SPAG16: variants seen among roughly 807,000 people sequenced by gnomAD.
The protein encoded by SPAG16 is sperm associated antigen 16.
SPAG16 carries 86 observed loss-of-function variants against 80.4 expected under a neutral mutation model. The ratio of observed to expected loss-of-function variants is 1.07; its 90% CI spans 0.90 to 1.28. SPAG16 has a LOEUF of 1.28. Among genes scored for constraint, SPAG16 ranks in the 50% most tolerant of loss-of-function variants. The pLI, the probability that SPAG16 is intolerant of heterozygous loss-of-function variation, is 0.00. For synonymous variants in SPAG16, 294 were observed against 265.9 expected (o/e 1.11, Z -1.03); for missense variants, 870 against 765.3 (o/e 1.14, Z -1.61).
At chr2:214,264,647 T>C (rs1379483787) in intron 15 of SPAG16, among the ~76,000 whole-genome samples, 1 of 152,130 alleles carries the variant, frequency 6.6e-6, no homozygotes, top group African/African-American at 2.4e-5. Flanking sequence ...ATAAAGTCCA[T>C]TAAGGTTTAC....
chr2:213,806,961 A>G (rs1182245398), intron 10 of SPAG16, among the ~76,000 whole-genome samples: 1 of 152,198 alleles, frequency 6.6e-6, no homozygotes, highest in Non-Finnish European at 1.5e-5. Flanking sequence ...CGGATACATT[A>G]GCTGTTTTCC....
chr2:214,280,533 CAG>C (rs1380387354), intron 15 of SPAG16: 2 of 169,736 alleles, frequency 1.2e-5, no homozygotes, highest in Non-Finnish European at 2.5e-5. Flanking sequence ...GTCAAAGAAA[CAG>C]AGTAGAGATT....
intron 12 of SPAG16, among the ~76,000 whole-genome samples, chr2:213,997,586 A>G (rs1440598547): frequency 6.6e-6 from 1 of 152,198 alleles, no homozygotes; most frequent in Non-Finnish European, 1.5e-5. Flanking sequence ...TTTCTTTTTA[A>G]CAGTGAATTA....
chr2:213,867,388 C>G (rs1030379776), intron 11 of SPAG16, among the ~76,000 whole-genome samples: 1 of 152,148 alleles, frequency 6.6e-6, no homozygotes, highest in Non-Finnish European at 1.5e-5. Flanking sequence ...CATAAACATA[C>G]CCTTGTGCAA....
chr2:213,424,500 A>G (rs946826734), intron 9 of SPAG16, among the ~76,000 whole-genome samples: 1 of 152,208 alleles, frequency 6.6e-6, no homozygotes, highest in East Asian at 1.9e-4. Flanking sequence ...AGTAAAAATG[A>G]GATCTTTTTA....
chr2:213,903,586 G>T (rs759099399), intron 11 of SPAG16, among the ~76,000 whole-genome samples: 4 of 152,150 alleles, frequency 2.6e-5, no homozygotes, highest in African/African-American at 4.8e-5. Context: ...CTAGGCCTCT[G>T]GGTCTGTGAT....
intron 13 of SPAG16, among the ~76,000 whole-genome samples, chr2:214,086,610 TTA>T (rs1472801984): frequency 2.6e-5 from 4 of 152,138 alleles, no homozygotes; most frequent in Non-Finnish European, 5.9e-5. Context: ...TCCACCGTGA[TTA>T]TGTTTCCTGA....
At position 213,929,810 on chromosome 2, in the gene SPAG16, AG is replaced by A. The variant is rs1214599727; in HGVS notation, c.1215-149del. ...GTTAGCAATTGTGTAGACCCAAATA[AG>A]ATAATAATATTTAGTCATTTAGATA... On this transcript the variant is annotated intron_variant, in intron 11 of 15. Coordinates refer to ENST00000331683, the MANE Select transcript of SPAG16 (RefSeq NM_024532.5). 2.4e-5 allele frequency: 15 copies of A among 630,378 alleles called. No individual in the cohort carries two copies. The African/African-American group carries it at 2.8e-4, about 12-fold the overall frequency. The allele number at this position is 630,378 out of a possible 1,614,324, so 39.0% of individuals were successfully genotyped here. A position where few individuals can be genotyped will look rare whatever the true frequency, so the allele number is the denominator to read the frequency against.
Position 213,648,338 on chromosome 2 carries a change from A to G in SPAG16, c.1070+158248A>G, listed in dbSNP as rs185032382. Among the ~76,000 whole-genome samples the G allele has an allele frequency of 2.3e-3, 349 of 152,314 alleles. 4 individuals are homozygous for G. Among genetic ancestry groups the G allele is most frequent in the African/African-American group, 8.1e-3 (338 of 41,572 alleles). ...AAAAAAAAATGTAGCACAGATGTAGAAAGCTTAAGTACATCTATAGTTTGT... is the reference window on the plus strand; with the variant it reads ...AAAAAAAAATGTAGCACAGATGTAGGAAGCTTAAGTACATCTATAGTTTGT... On this transcript the variant is annotated intron_variant, in intron 10 of 15. Transcript: ENST00000331683.
chr2:214,246,700 A>G (rs1409808498), intron 15 of SPAG16, among the ~76,000 whole-genome samples: 1 of 151,992 alleles, frequency 6.6e-6, no homozygotes, highest in East Asian at 1.9e-4. Context: ...TTAAGCTAAA[A>G]CCACCCAGCC....
chr2:214,057,178 C>CT (rs36181178), intron 13 of SPAG16, among the ~76,000 whole-genome samples: 1 of 144,540 alleles, frequency 6.9e-6, no homozygotes, highest in Non-Finnish European at 1.5e-5. Context: ...TTTCAGTTTA[C>CT]TTTTTTTTTT....
At chr2:214,066,479 C>T (rs1364438257) in intron 13 of SPAG16, among the ~76,000 whole-genome samples, 1 of 152,126 alleles carries the variant, frequency 6.6e-6, no homozygotes, top group Non-Finnish European at 1.5e-5. Flanking sequence ...TTTACTTATA[C>T]CTACATTTAT....
At chr2:213,806,565 C>G (rs973685589) in intron 10 of SPAG16, among the ~76,000 whole-genome samples, 9 of 152,044 alleles carry the variant, frequency 5.9e-5, no homozygotes, top group Admixed American at 5.9e-4. Flanking sequence ...GGAATTCCCA[C>G]TGATATGTTT....
chr2:213,500,415 G>A (rs1282374212), intron 10 of SPAG16, among the ~76,000 whole-genome samples: 1 of 152,144 alleles, frequency 6.6e-6, no homozygotes, highest in Non-Finnish European at 1.5e-5. Context: ...GAATATAATT[G>A]GGTCATATCG....
chr2:213,307,585 T>A (rs575300681), intron 3 of SPAG16, among the ~76,000 whole-genome samples: 2 of 149,414 alleles, frequency 1.3e-5, no homozygotes, highest in East Asian at 3.9e-4. Flanking sequence ...TGTGCTACAT[T>A]TTCTTAATCC....
At chr2:213,612,063 T>C (rs959893273) in intron 10 of SPAG16, among the ~76,000 whole-genome samples, 6 of 152,200 alleles carry the variant, frequency 3.9e-5, no homozygotes, top group Admixed American at 1.3e-4. Flanking sequence ...ATCTCAAAAC[T>C]GCTTGTGTGT....
intron 11 of SPAG16, among the ~76,000 whole-genome samples, chr2:213,926,652 A>G (rs977016738): frequency 6.6e-6 from 1 of 152,068 alleles, no homozygotes. Context: ...GATTCATGTT[A>G]TAACCTTACG....
intron 13 of SPAG16, among the ~76,000 whole-genome samples, chr2:214,105,628 G>A (rs1458423115): frequency 6.6e-6 from 1 of 151,996 alleles, no homozygotes; most frequent in Non-Finnish European, 1.5e-5. Flanking sequence ...AATGCATATT[G>A]GGTCACATTA....
intron 13 of SPAG16, among the ~76,000 whole-genome samples, chr2:214,055,162 T>G (rs1409100063): frequency 6.6e-5 from 10 of 152,182 alleles, no homozygotes; most frequent in Admixed American, 6.5e-4. Flanking sequence ...TTGTTTGTTT[T>G]TAAAGATCCA....
Sources: gnomAD v4.1 joint callset for allele counts (sites outside exome capture counted in the v4.1 genomes callset) on GRCh38, gnomAD v4.1.1 for gene constraint, MANE v1.5 for transcripts, NCBI Gene and HGNC (gene_info 2026-07-23, HGNC 2026-07-21) for gene names.